The following CNST variants were observed in gnomAD, a reference collection of about 807,000 sequenced individuals.
CNST encodes consortin.
Under a neutral mutation model 72.4 loss-of-function variants are expected in CNST, and 39 were observed. The ratio of observed to expected loss-of-function variants is 0.54; its 90% confidence interval spans 0.42 to 0.70. The LOEUF is 0.70. Ranked by LOEUF, CNST falls within the 30% of genes least tolerant of loss-of-function variation. The probability of loss-of-function intolerance (pLI) is 0.00; values close to 1 mark genes in which losing one functional copy is unlikely to be tolerated. For missense variants in CNST, 871 were observed against 868.5 expected (o/e 1.00, Z -0.04); for synonymous variants, 332 against 320.1 (o/e 1.04, Z -0.40).
chr1:246,612,609 A>G (rs2103062537), intron 2 of CNST, among the ~76,000 whole-genome samples: 1 of 152,318 alleles, frequency 6.6e-6, no homozygotes, highest in East Asian at 1.9e-4. Flanking sequence ...ATAACAGGTC[A>G]GGCGCAGTGG....
intron 1 of CNST, 31 bp downstream of exon 1, chr1:246,566,694 C>G: frequency 2.5e-6 from 1 of 400,196 alleles, no homozygotes; most frequent in East Asian, 3.6e-5. Flanking sequence ...ATGCAGGGGA[C>G]CCGCCGGCTC....
intron 1 of CNST, among the ~76,000 whole-genome samples, chr1:246,587,103 A>G (rs1661245695): frequency 6.6e-6 from 1 of 152,224 alleles, no homozygotes; most frequent in Non-Finnish European, 1.5e-5. Context: ...TATATGTAAT[A>G]AACTTAAAAC....
chr1:246,629,865 G>T (rs779905267), intron 3 of CNST, among the ~76,000 whole-genome samples: 3 of 152,164 alleles, frequency 2.0e-5, no homozygotes, highest in Non-Finnish European at 4.4e-5. Context: ...CCAAGTAGCT[G>T]GGAATACAGG....
intron 9 of CNST, among the ~76,000 whole-genome samples, chr1:246,652,982 C>T (rs961243214): frequency 1.3e-5 from 2 of 150,260 alleles, no homozygotes; most frequent in Admixed American, 6.6e-5. Flanking sequence ...CCAGCCTGGG[C>T]TACAGAGTGA....
intron 9 of CNST, among the ~76,000 whole-genome samples, chr1:246,655,152 A>G (rs1039245923): frequency 6.6e-6 from 1 of 152,204 alleles, no homozygotes; most frequent in Non-Finnish European, 1.5e-5. Context: ...AGCAAGCAAA[A>G]CAAATTGCAA....
At chr1:246,580,758 T>G (rs903554159) in intron 1 of CNST, among the ~76,000 whole-genome samples, 1 of 152,168 alleles carries the variant, frequency 6.6e-6, no homozygotes, top group African/African-American at 2.4e-5. Context: ...TTTCTTTTTT[T>G]TTGAGACAGT....
Position 246,668,100 on chromosome 1 carries a change from C to T in CNST, c.*2195C>T, listed in dbSNP as rs978472257. 5 of 152,102 alleles carry T rather than the reference C, an allele frequency of 3.3e-5. No homozygotes were observed. The highest frequency in any genetic ancestry group is 5.9e-5 in the Non-Finnish European group (4 of 68,016). The allele number at this position is 152,102 out of a possible 1,614,324, so 9.4% of individuals were successfully genotyped here. A position where few individuals can be genotyped will look rare whatever the true frequency, so the allele number is the denominator to read the frequency against. Reference sequence around the variant, plus strand: ...TTTTGACTTACAATAGGCATGAAATCGCAACTAGAAAAATTAGGGCAGTTT... The same window carrying T: ...TTTTGACTTACAATAGGCATGAAATTGCAACTAGAAAAATTAGGGCAGTTT... On this transcript the variant is annotated 3_prime_UTR_variant, in exon 11 of 11. Coordinates refer to ENST00000366513, the MANE Select transcript of CNST (RefSeq NM_152609.3).
chr1:246,642,139 T>C, intron 8 of CNST, 102 bp downstream of exon 8: 1 of 594,432 alleles, frequency 1.7e-6, no homozygotes, highest in East Asian at 3.4e-5. Flanking sequence ...TCTGGTTTTT[T>C]TTTTTTTTTT....
intron 10 of CNST, among the ~76,000 whole-genome samples, chr1:246,664,604 T>A (rs950998944): frequency 6.6e-6 from 1 of 152,026 alleles, no homozygotes; most frequent in African/African-American, 2.4e-5. Context: ...TTTTTTATAT[T>A]TTTAGTAGAG....
rs1049720447 is a variant in CNST at position 246,634,601 on chromosome 1, A to T, written c.818+14A>T. The T allele has an allele frequency of 1.2e-5, 17 of 1,414,954 alleles. No individual in the cohort carries two copies. In the East Asian group the frequency reaches 3.9e-4, roughly 32 times the overall value. 87.6% of individuals were successfully genotyped at this position (1,414,954 alleles called of 1,614,324 possible). ...AACACATCAAGAGTAAGTATATCAG[A>T]ATTTCGTTAGAATGAGTTGGAGTAG... On this transcript the variant is annotated intron_variant, in intron 6 of 10. Transcript: ENST00000366513.
At chr1:246,582,995 G>A (rs143248870) in intron 1 of CNST, among the ~76,000 whole-genome samples, 26 of 152,332 alleles carry the variant, frequency 1.7e-4, no homozygotes, top group African/African-American at 4.1e-4. Context: ...CCTGTTGTCC[G>A]CCCGTTAGCG....
rs1452548231 is a variant in CNST at position 246,591,530 on chromosome 1, G to A, written c.-33G>A. On this transcript the variant is annotated 5_prime_UTR_variant, in exon 2 of 11. An upstream start codon of the reference 5' UTR is lost. Coordinates refer to ENST00000366513, the MANE Select transcript of CNST (RefSeq NM_152609.3). ...ATTGTAGACATGGAAGGTCTTTAATGTAACTTTAAATGGTTCACCAAAGGA... is the reference window on the plus strand; with the variant it reads ...ATTGTAGACATGGAAGGTCTTTAATATAACTTTAAATGGTTCACCAAAGGA... The A allele has an allele frequency of 6.2e-7, 1 of 1,611,808 alleles. No individual in the cohort carries two copies. Among genetic ancestry groups the A allele is most frequent in the East Asian group, 2.2e-5 (1 of 44,868 alleles).
intron 2 of CNST, 122 bp downstream of exon 2, chr1:246,592,063 T>G (rs1247586526): frequency 1.3e-6 from 1 of 743,180 alleles, no homozygotes; most frequent in East Asian, 2.7e-5. Context: ...TGGAGCTAGT[T>G]CCGCCGCAGC....
intron 9 of CNST, among the ~76,000 whole-genome samples, chr1:246,655,158 T>G (rs1407844835): frequency 6.6e-6 from 1 of 152,176 alleles, no homozygotes; most frequent in Non-Finnish European, 1.5e-5. Context: ...CAAAACAAAT[T>G]GCAAAAACAT....
chr1:246,613,623 G>C (rs985103991), intron 2 of CNST, among the ~76,000 whole-genome samples: 6 of 137,158 alleles, frequency 4.4e-5, no homozygotes, highest in Admixed American at 7.4e-5. Flanking sequence ...TGAACTGTAT[G>C]AGGCCTTTTT....
At chr1:246,591,389 T>C in intron 1 of CNST, 123 bp from the exon 2 acceptor site, 1 of 707,676 alleles carries the variant, frequency 1.4e-6, no homozygotes, top group Non-Finnish European at 2.3e-6. Context: ...GGAATGAACT[T>C]AAGTCATTTC....
chr1:246,619,412 A>AT (rs1200426414), intron 2 of CNST, among the ~76,000 whole-genome samples: 2 of 152,222 alleles, frequency 1.3e-5, no homozygotes, highest in Admixed American at 6.5e-5. Context: ...ACTGTAGGTG[A>AT]TTTTTTAAAG....
At chr1:246,653,932 T>C (rs1014236474) in intron 9 of CNST, among the ~76,000 whole-genome samples, 26 of 152,272 alleles carry the variant, frequency 1.7e-4, no homozygotes, top group African/African-American at 6.0e-4. Context: ...TGTAGAGTGA[T>C]AGGAAGAAGG....
Position 246,647,186 on chromosome 1 carries a change from A to G in CNST, c.985A>G (p.Thr329Ala). ...AGAGTCAAGTAAAGAAAGCCAACATACAGTGGAGCCCCTGGGGAGCAGTCC... is the reference window on the plus strand; with the variant it reads ...AGAGTCAAGTAAAGAAAGCCAACATGCAGTGGAGCCCCTGGGGAGCAGTCC... ...GTESSKESQHTVEPLGSSPCC... is the reference protein window; with the variant it reads ...GTESSKESQHAVEPLGSSPCC... Residue 329 changes from threonine to alanine, a missense_variant, in exon 9 of 11, where the codon ACA becomes GCA. Physicochemically the swap from Thr to Ala is moderately conservative, Grantham distance 58 (BLOSUM62 0). Transcript: ENST00000366513. The G allele has an allele frequency of 6.2e-7, 1 of 1,614,124 alleles. No homozygotes were observed. The highest frequency in any genetic ancestry group is 1.1e-5 in the South Asian group (1 of 91,080).
Sources: gnomAD v4.1 joint callset for allele counts (sites outside exome capture counted in the v4.1 genomes callset) on GRCh38, gnomAD v4.1.1 for gene constraint, MANE v1.5 for transcripts, NCBI Gene and HGNC (gene_info 2026-07-23, HGNC 2026-07-21) for gene names.